ZFAT: variants seen among roughly 807,000 people sequenced by gnomAD.
ZFAT encodes the protein zinc finger protein ZFAT.
Under a neutral mutation model 117.7 loss-of-function variants are expected in ZFAT, and 64 were observed. That is an observed-to-expected ratio of 0.54 (90% CI 0.44 to 0.67). ZFAT has a LOEUF of 0.67. Ranked by LOEUF, ZFAT falls within the 30% of genes least tolerant of loss-of-function variation. The pLI is 0.00. For missense variants in ZFAT, 1,433 were observed against 1,584.5 expected (o/e 0.90, Z 1.62); for synonymous variants, 679 against 615.0 (o/e 1.10, Z -1.54).
chr8:134,606,362 A>G (rs542074702), intron 5 of ZFAT, among the ~76,000 whole-genome samples: 4 of 152,256 alleles, frequency 2.6e-5, no homozygotes, highest in African/African-American at 9.6e-5. Context: ...GTTGCTATAA[A>G]GCAAAATGTT....
At chr8:134,747,624 G>GAA in the ZFAT span, among the ~76,000 whole-genome samples, 1 of 152,140 alleles carries the variant, frequency 6.6e-6, no homozygotes, top group Non-Finnish European at 1.5e-5. Context: ...ACAAGCTTGT[G>GAA]AAATACATTT....
chr8:134,720,374 G>A, the ZFAT span, among the ~76,000 whole-genome samples: 218 of 152,336 alleles, frequency 1.4e-3, no homozygotes, highest in African/African-American at 4.9e-3. Flanking sequence ...TTCAGGGAGG[G>A]TTTTGAGAGT....
the ZFAT span, among the ~76,000 whole-genome samples, chr8:134,830,014 C>A: frequency 2.0e-5 from 3 of 152,242 alleles, no homozygotes; most frequent in Admixed American, 2.0e-4. Context: ...ATACGCACAG[C>A]CCAAATCACT....
At chr8:134,819,496 A>ACCCCCCCCCCC in the ZFAT span, among the ~76,000 whole-genome samples, 142 of 39,380 alleles carry the variant, frequency 3.6e-3, no homozygotes, top group Non-Finnish European at 4.3e-3. Flanking sequence ...CGGATTTACC[A>ACCCCCCCCCCC]CCCCCCCCCC....
At chr8:134,546,403 C>T (rs1822697121) in intron 11 of ZFAT, among the ~76,000 whole-genome samples, 1 of 152,108 alleles carries the variant, frequency 6.6e-6, no homozygotes, top group Admixed American at 6.5e-5. Flanking sequence ...TCATTAATGT[C>T]TGGAGTGGCC....
chr8:134,766,385 TG>T, the ZFAT span: 1 of 152,184 alleles, frequency 6.6e-6, no homozygotes, highest in Non-Finnish European at 1.5e-5. Context: ...AAATTTCAAG[TG>T]TTTACAAAAG....
chr8:134,717,018 TG>T (rs1160640621), upstream of ZFAT, among the ~76,000 whole-genome samples: 1 of 152,024 alleles, frequency 6.6e-6, no homozygotes, highest in East Asian at 1.9e-4. Flanking sequence ...TCAGGACCAG[TG>T]GTCTCATAAA....
At chr8:134,491,362 A>C (rs1818047391) in intron 15 of ZFAT, among the ~76,000 whole-genome samples, 1 of 152,266 alleles carries the variant, frequency 6.6e-6, no homozygotes, top group Non-Finnish European at 1.5e-5. Context: ...CAGAGTGGAC[A>C]CTACGCTTAG....
In ZFAT at chr8:134,610,583, C is replaced by T. The variant is rs780555024; in HGVS notation, c.521G>A (p.Arg174Gln). The T allele has an allele frequency of 6.1e-5, 98 of 1,614,034 alleles. No individual in the cohort carries two copies. The highest frequency in any genetic ancestry group is 2.3e-4 in the Admixed American group (14 of 60,008). Residue 174 changes from arginine to glutamine, a missense_variant, in exon 4 of 16, where the codon CGG becomes CAG. Physicochemically the swap from Arg to Gln is conservative, Grantham distance 43. Transcript: ENST00000377838. ...DDREKASKRP[R>Q]SQKTEKVQKI... Reference sequence around the variant, plus strand: ...CTGGACTTTCTCTGTTTTCTGTGACCGTGGTCTTTTCGAGGCTTTTTCCCG... The same window carrying T: ...CTGGACTTTCTCTGTTTTCTGTGACTGTGGTCTTTTCGAGGCTTTTTCCCG...
intron 2 of ZFAT, among the ~76,000 whole-genome samples, chr8:134,655,592 G>A (rs1649985235): frequency 6.7e-6 from 1 of 150,038 alleles, no homozygotes; most frequent in Non-Finnish European, 1.5e-5. Context: ...AGGTGGCAGT[G>A]AGCCAAGATC....
chr8:134,623,570 G>A (rs1054871124), intron 3 of ZFAT, among the ~76,000 whole-genome samples: 2 of 152,122 alleles, frequency 1.3e-5, no homozygotes, highest in Non-Finnish European at 2.9e-5. Flanking sequence ...CCAAAACCAA[G>A]GCAGCTCCCC....
the ZFAT span, among the ~76,000 whole-genome samples, chr8:134,813,945 T>C: frequency 6.6e-6 from 1 of 152,144 alleles, no homozygotes; most frequent in African/African-American, 2.4e-5. Context: ...ATTACAATTA[T>C]GAACATTCTT....
chr8:134,556,031 AGAAGGAAGGAAGGAAG>A (rs767538738), intron 11 of ZFAT, among the ~76,000 whole-genome samples: 18 of 60,316 alleles, frequency 3.0e-4, no homozygotes, highest in Non-Finnish European at 3.8e-4. Context: ...AGGGAGGGAG[AGAAGGAAGGAAGGAAG>A]GAAGGAAGGA....
chr8:134,610,734 C>A (rs530276065), intron 3 of ZFAT, 79 bp from the exon 4 acceptor site: 1 of 1,514,474 alleles, frequency 6.6e-7, no homozygotes, highest in African/African-American at 1.4e-5. Flanking sequence ...TACTCTTTCA[C>A]GGGACAGTAA....
At chr8:134,539,661 A>T (rs1822104743) in intron 11 of ZFAT, among the ~76,000 whole-genome samples, 1 of 152,234 alleles carries the variant, frequency 6.6e-6, no homozygotes. Flanking sequence ...CAAATGCAGA[A>T]AAAGGCCATG....
chr8:134,625,300 A>G (rs1829425976), intron 3 of ZFAT, among the ~76,000 whole-genome samples: 1 of 152,208 alleles, frequency 6.6e-6, no homozygotes, highest in Admixed American at 6.5e-5. Flanking sequence ...GGCCTTACAT[A>G]CTAACTGCAG....
At chr8:134,509,224 C>A (rs1427907690) in intron 15 of ZFAT, among the ~76,000 whole-genome samples, 2 of 152,176 alleles carry the variant, frequency 1.3e-5, no homozygotes, top group Non-Finnish European at 2.9e-5. Context: ...ACTGGGAAAT[C>A]CTCCTGGCTT....
intron 1 of ZFAT, 67 bp downstream of exon 1, chr8:134,712,778 G>C: frequency 1.4e-6 from 2 of 1,413,596 alleles, no homozygotes; most frequent in Non-Finnish European, 1.9e-6. Flanking sequence ...CGCTCGAAAC[G>C]GCTTTCCGCG....
At chr8:134,748,143 C>T in the ZFAT span, among the ~76,000 whole-genome samples, 1 of 152,102 alleles carries the variant, frequency 6.6e-6, no homozygotes, top group Non-Finnish European at 1.5e-5. Flanking sequence ...AGTGAAGACC[C>T]AAGCAATCAT....
Sources: gnomAD v4.1 joint callset for allele counts (sites outside exome capture counted in the v4.1 genomes callset) on GRCh38, gnomAD v4.1.1 for gene constraint, MANE v1.5 for transcripts, NCBI Gene and HGNC (gene_info 2026-07-23, HGNC 2026-07-21) for gene names.